Variants in ACYP2 observed in about 807,000 individuals in gnomAD.
The protein encoded by ACYP2 is acylphosphatase 2.
Under a neutral mutation model 11.2 loss-of-function variants are expected in ACYP2, and 12 were observed. The ratio of observed to expected loss-of-function variants is 1.08; its 90% CI spans 0.69 to 1.74. The LOEUF is 1.74. ACYP2 is among the 40% of genes most tolerant of loss of function. The pLI is 0.00. For synonymous variants in ACYP2, 43 were observed against 32.2 expected, an observed-to-expected ratio of 1.33 and a Z score of -1.13; for missense variants, 134 against 101.9, an observed-to-expected ratio of 1.31 and a Z score of -1.35.
chr2:54,102,126 A>G (rs1324517743), intron 4 of ACYP2, among the ~76,000 whole-genome samples: 3 of 152,204 alleles, frequency 2.0e-5, no homozygotes, highest in Non-Finnish European at 2.9e-5. Flanking sequence ...TTTGAGGACT[A>G]TAGTCAAATT....
At chr2:54,012,092 C>A (rs187002638) in intron 2 of ACYP2, among the ~76,000 whole-genome samples, 1 of 152,186 alleles carries the variant, frequency 6.6e-6, no homozygotes, top group Non-Finnish European at 1.5e-5. Context: ...AAAAATTAGC[C>A]AGGCGTGGTG....
intron 6 of ACYP2, among the ~76,000 whole-genome samples, chr2:54,165,496 C>G (rs1254435012): frequency 1.3e-5 from 2 of 148,814 alleles, no homozygotes; most frequent in Non-Finnish European, 1.5e-5. Context: ...GTCTGTCTCT[C>G]TCTGTCTCTC....
chr2:54,201,642 C>T lies in ACYP2; in HGVS notation c.404+62894C>T, dbSNP rs1002622710. 5.1e-5 allele frequency among the ~76,000 whole-genome samples: 4 copies of T among 78,252 alleles called. No individual in the cohort carries two copies. The East Asian group carries it at 1.4e-3, about 27-fold the overall frequency. The allele number at this position is 78,252 out of a possible 152,430, so 51.3% of individuals were successfully genotyped here. A position where few individuals can be genotyped will look rare whatever the true frequency, so the allele number is the denominator to read the frequency against. ...TTTCTTTGTTTCTTTCTTTCTCTTT[C>T]TTTCTTTCTTTCTTTCTTTCTTTCT... is the stretch of plus-strand genomic sequence containing the variant. On this transcript the variant is annotated intron_variant, in intron 6 of 6. Transcript: ENST00000607452.
intron 2 of ACYP2, among the ~76,000 whole-genome samples, chr2:54,014,911 C>T (rs1435912940): frequency 6.6e-6 from 1 of 152,070 alleles, no homozygotes; most frequent in Non-Finnish European, 1.5e-5. Flanking sequence ...TGGTGTGAGC[C>T]ACTGTATCTG....
At chr2:54,059,765 G>A (rs1676368281) in intron 4 of ACYP2, among the ~76,000 whole-genome samples, 1 of 152,178 alleles carries the variant, frequency 6.6e-6, no homozygotes, top group Non-Finnish European at 1.5e-5. Context: ...CTTCAGTAGG[G>A]TGAGCAAGAG....
At chr2:54,135,596 G>A in intron 5 of ACYP2, 127 bp downstream of exon 2, 2 of 648,808 alleles carry the variant, frequency 3.1e-6, no homozygotes, top group Non-Finnish European at 5.1e-6. Flanking sequence ...AGCAAATGAA[G>A]AAATATATGT....
Position 54,109,405 on chromosome 2 carries a change from C to T in ACYP2, c.278-26048C>T, listed in dbSNP as rs1050894204. On this transcript the variant is annotated intron_variant, in intron 4 of 6. Coordinates refer to ENST00000607452, the MANE Select transcript of ACYP2 (RefSeq NM_001320586.2). ...AATGACACAGTGGACTTTGGATACT[C>T]GGGGGAAAGGGTGGGAGGGGGTGAG... 4.8e-5 allele frequency among the ~76,000 whole-genome samples: 7 copies of T among 147,250 alleles called. No individual in the cohort carries two copies. In the South Asian group the frequency reaches 1.1e-3, roughly 24 times the overall value.
At chr2:53,988,714 C>T (rs182710625) in intron 2 of ACYP2, among the ~76,000 whole-genome samples, 2 of 151,832 alleles carry the variant, frequency 1.3e-5, no homozygotes, top group Non-Finnish European at 2.9e-5. Context: ...GTGTAAGCCA[C>T]CATGCCTGGC....
At chr2:54,018,905 A>C (rs1573533066) in intron 2 of ACYP2, among the ~76,000 whole-genome samples, 2 of 151,584 alleles carry the variant, frequency 1.3e-5, no homozygotes, top group East Asian at 3.9e-4. Context: ...GCACCACCAC[A>C]CCTGGCTAAT....
chr2:54,262,120 A>G (rs564254803), intron 6 of ACYP2, among the ~76,000 whole-genome samples: 7 of 152,352 alleles, frequency 4.6e-5, no homozygotes, highest in African/African-American at 1.7e-4. Flanking sequence ...TAAAAGGTCT[A>G]TGTAGAGTCC....
At chr2:53,974,292 G>A (rs1671354647) in intron 2 of ACYP2, among the ~76,000 whole-genome samples, 1 of 152,140 alleles carries the variant, frequency 6.6e-6, no homozygotes, top group South Asian at 2.1e-4. Flanking sequence ...GGACGACAAA[G>A]AGCGGAAGAG....
chr2:53,983,666 T>G (rs1671874782), intron 2 of ACYP2, among the ~76,000 whole-genome samples: 1 of 152,182 alleles, frequency 6.6e-6, no homozygotes, highest in Non-Finnish European at 1.5e-5. Flanking sequence ...TAAATTGGGT[T>G]AAGAATTTTG....
chr2:54,273,898 G>A (rs1057106956), intron 6 of ACYP2, among the ~76,000 whole-genome samples: 4 of 152,160 alleles, frequency 2.6e-5, no homozygotes, highest in African/African-American at 9.7e-5. Flanking sequence ...ATTATTTTTG[G>A]AATTAAAAAC....
chr2:54,298,628 G>C (rs1175127149), intron 6 of ACYP2, among the ~76,000 whole-genome samples: 2 of 152,214 alleles, frequency 1.3e-5, no homozygotes, highest in African/African-American at 4.8e-5. Flanking sequence ...CAAGGCTCAG[G>C]CTACTGGAAG....
At chr2:54,181,710 G>T (rs916698339) in intron 6 of ACYP2, among the ~76,000 whole-genome samples, 1 of 152,076 alleles carries the variant, frequency 6.6e-6, no homozygotes, top group African/African-American at 2.4e-5. Flanking sequence ...GCCAGTCTCT[G>T]GTGACCTGAT....
At chr2:53,984,947 C>G (rs1399457040) in intron 2 of ACYP2, among the ~76,000 whole-genome samples, 1 of 151,912 alleles carries the variant, frequency 6.6e-6, no homozygotes, top group East Asian at 1.9e-4. Context: ...ACTTTGGAAG[C>G]CAACACATTA....
chr2:54,090,093 C>G (rs1206598206), intron 4 of ACYP2, among the ~76,000 whole-genome samples: 3 of 150,408 alleles, frequency 2.0e-5, no homozygotes, highest in Non-Finnish European at 4.4e-5. Context: ...TACAATGAGC[C>G]AAGATCACAC....
chr2:53,988,394 T>C (rs914685184), intron 2 of ACYP2, among the ~76,000 whole-genome samples: 1 of 152,064 alleles, frequency 6.6e-6, no homozygotes, highest in African/African-American at 2.4e-5. Flanking sequence ...GTAATTCACT[T>C]TTATTTTTTA....
intron 6 of ACYP2, among the ~76,000 whole-genome samples, chr2:54,161,945 T>G (rs1238417098): frequency 6.6e-6 from 1 of 152,168 alleles, no homozygotes; most frequent in East Asian, 1.9e-4. Flanking sequence ...GCAGCTATTT[T>G]GGGATTTTTT....
Sources: allele counts gnomAD v4.1 joint callset (sites outside exome capture counted in the v4.1 genomes callset), GRCh38; gene constraint gnomAD v4.1.1; transcripts MANE v1.5; gene names NCBI Gene and HGNC (gene_info 2026-07-23, HGNC 2026-07-21).